Variants in GFI1B observed in about 807,000 individuals in gnomAD.
The protein encoded by GFI1B is zinc finger protein Gfi-1b.
A neutral mutation model predicts 35.3 loss-of-function variants in GFI1B; 20 were observed. The observed-to-expected ratio is 0.57, with a 90% CI of 0.40 to 0.82. The LOEUF (loss-of-function observed/expected upper bound fraction) is 0.82. Ranked by LOEUF, GFI1B falls within the 40% of genes least tolerant of loss-of-function variation. The pLI is 0.00. For synonymous variants in GFI1B, 178 were observed against 177.6 expected (o/e 1.00, Z -0.02); for missense variants, 430 against 446.3 (o/e 0.96, Z 0.33).
At chr9:132,979,800 T>A (rs1296849378) in intron 1 of GFI1B, among the ~76,000 whole-genome samples, 2 of 152,026 alleles carry the variant, frequency 1.3e-5, no homozygotes, top group Non-Finnish European at 2.9e-5. Context: ...GAAGAGGAGG[T>A]CTGCAGAATC....
intron 1 of GFI1B, among the ~76,000 whole-genome samples, chr9:132,985,981 G>A (rs1026674995): frequency 6.6e-6 from 1 of 152,206 alleles, no homozygotes; most frequent in Non-Finnish European, 1.5e-5. Flanking sequence ...TTGCAGCCCA[G>A]GTCATGCCAA....
chr9:132,949,517 T>C (rs1848170247), intron 1 of GFI1B, among the ~76,000 whole-genome samples: 1 of 151,974 alleles, frequency 6.6e-6, no homozygotes, highest in South Asian at 2.1e-4. Flanking sequence ...GGGGGACCAT[T>C]CAAACTGCTG....
At chr9:132,979,531 G>T (rs181142255) in intron 1 of GFI1B, among the ~76,000 whole-genome samples, 1 of 152,058 alleles carries the variant, frequency 6.6e-6, no homozygotes, top group East Asian at 1.9e-4. Flanking sequence ...TAGCCACTGC[G>T]CCCAGCCAAA....
Position 132,989,531 on chromosome 9 carries a change from G to C in GFI1B, c.649-211G>C. ...ACGAACATTTATTGAGGTTTATTTTGAGCGGGATACCGTGAAGATTACAAG... is the reference window on the plus strand; with the variant it reads ...ACGAACATTTATTGAGGTTTATTTTCAGCGGGATACCGTGAAGATTACAAG... On this transcript the variant is annotated intron_variant, in intron 5 of 6. Transcript: ENST00000372122. This position sits in a 1 kb window ranked among gnomAD's most constrained non-coding sequence, Gnocchi z 6.2. 1 of 603,044 alleles carries C rather than the reference G, an allele frequency of 1.7e-6. No individual in the cohort carries two copies. 37.4% of individuals were successfully genotyped at this position (603,044 alleles called of 1,614,324 possible). A position where few individuals can be genotyped will look rare whatever the true frequency, so the allele number is the denominator to read the frequency against.
At chr9:132,985,586 C>T (rs1588435866) in intron 1 of GFI1B, among the ~76,000 whole-genome samples, 1 of 152,298 alleles carries the variant, frequency 6.6e-6, no homozygotes, top group South Asian at 2.1e-4. Context: ...CAAGGCGCAG[C>T]CGTGCTCTGG....
At position 132,988,230 on chromosome 9, in the gene GFI1B, G is replaced by A. The variant is rs767778204; in HGVS notation, c.272G>A (p.Gly91Glu). The A allele has an allele frequency of 1.9e-6, 3 of 1,614,058 alleles. No individual in the cohort carries two copies. Among genetic ancestry groups the A allele is most frequent in the Non-Finnish European group, 2.5e-6 (3 of 1,179,926 alleles). ...ATTGTGCTGTCCCGACCCCAGGATG[G>A]GGACTCTCCACTGTCCGACTCACCC... is the stretch of plus-strand genomic sequence containing the variant. Reference protein sequence around the residue: ...GPIVLSRPQDGDSPLSDSPPF... With the variant: ...GPIVLSRPQDEDSPLSDSPPF... The change falls in exon 4 of 7, where the codon GGG becomes GAG. Residue 91 changes from glycine to glutamate, a missense_variant. By Grantham distance (98) the Gly-to-Glu change is moderately conservative. Transcript: ENST00000372122.
At chr9:132,974,257 A>G (rs561978468), upstream of GFI1B, among the ~76,000 whole-genome samples, 1 of 152,216 alleles carries the variant, frequency 6.6e-6, no homozygotes, top group South Asian at 2.1e-4. Context: ...CTCTTGTAGC[A>G]TGGACATTCC....
intron 1 of GFI1B, among the ~76,000 whole-genome samples, chr9:132,958,998 C>T (rs992171680): frequency 6.6e-6 from 1 of 152,156 alleles, no homozygotes; most frequent in Non-Finnish European, 1.5e-5. Flanking sequence ...CCTGGCTCTG[C>T]AAACAAGATG....
intron 1 of GFI1B, among the ~76,000 whole-genome samples, chr9:132,963,274 G>A (rs919608853): frequency 6.6e-6 from 1 of 151,904 alleles, no homozygotes; most frequent in Non-Finnish European, 1.5e-5. Flanking sequence ...GAGGTCAAGA[G>A]TTCAAGACCA....
intron 1 of GFI1B, among the ~76,000 whole-genome samples, chr9:132,961,076 A>T (rs945246009): frequency 6.6e-6 from 1 of 152,152 alleles, no homozygotes; most frequent in African/African-American, 2.4e-5. Context: ...ATCCCTCTCC[A>T]CACCCTACAC....
chr9:132,951,691 T>A (rs764614434), intron 1 of GFI1B: 3 of 152,228 alleles, frequency 2.0e-5, no homozygotes, highest in Non-Finnish European at 4.4e-5. Context: ...GAAGGCTCTC[T>A]CTGCTGTCCA....
intron 1 of GFI1B, among the ~76,000 whole-genome samples, chr9:132,986,419 G>A (rs1471439638): frequency 6.6e-6 from 1 of 152,068 alleles, no homozygotes; most frequent in African/African-American, 2.4e-5. Context: ...ATAAGGACAC[G>A]AGTCATCTTG....
intron 1 of GFI1B, among the ~76,000 whole-genome samples, chr9:132,965,620 G>A (rs1030077969): frequency 5.9e-5 from 9 of 152,232 alleles, no homozygotes; most frequent in East Asian, 1.9e-4. Flanking sequence ...ACATAGACAC[G>A]GAGTGGGAGG....
chr9:132,956,731 A>G (rs1457155145), intron 1 of GFI1B, among the ~76,000 whole-genome samples: 1 of 152,184 alleles, frequency 6.6e-6, no homozygotes, highest in African/African-American at 2.4e-5. Flanking sequence ...AGAAACATAG[A>G]ATTGGAACAA....
intron 1 of GFI1B, among the ~76,000 whole-genome samples, chr9:132,964,009 G>A (rs2132600011): frequency 6.6e-6 from 1 of 152,282 alleles, no homozygotes; most frequent in East Asian, 1.9e-4. Flanking sequence ...GGGAGGCCAA[G>A]GTGGGAAGAT....
At chr9:132,990,152 G>A (rs990151164) in intron 6 of GFI1B, among the ~76,000 whole-genome samples, 2 of 152,220 alleles carry the variant, frequency 1.3e-5, no homozygotes, top group Non-Finnish European at 2.9e-5. Flanking sequence ...ACTAGCAGGC[G>A]AACTGCTCAT....
Position 132,991,152 on chromosome 9 carries a change from G to A in GFI1B, c.*102G>A. 1 of 1,059,990 alleles carries A rather than the reference G, an allele frequency of 9.4e-7. No homozygotes were observed. Among genetic ancestry groups the A allele is most frequent in the Non-Finnish European group, 1.4e-6 (1 of 704,102 alleles). 65.7% of individuals were successfully genotyped at this position (1,059,990 alleles called of 1,614,324 possible). Reference sequence around the variant, plus strand: ...TCTCCAGTCTCCTGGAGGTGGGACTGGACAGGAGTCTACCAGCTTGTTTTG... The same window carrying A: ...TCTCCAGTCTCCTGGAGGTGGGACTAGACAGGAGTCTACCAGCTTGTTTTG... On this transcript the variant is annotated 3_prime_UTR_variant, in exon 7 of 7. Coordinates refer to ENST00000372122, the MANE Select transcript of GFI1B (RefSeq NM_001377304.1).
At chr9:132,964,067 C>A (rs937118926) in intron 1 of GFI1B, among the ~76,000 whole-genome samples, 1 of 151,990 alleles carries the variant, frequency 6.6e-6, no homozygotes, top group African/African-American at 2.4e-5. Flanking sequence ...ATGGTGAAAC[C>A]CCATCTCTAC....
chr9:132,991,988 A>C (rs917088581), downstream of GFI1B, among the ~76,000 whole-genome samples: 1 of 152,114 alleles, frequency 6.6e-6, no homozygotes, highest in Non-Finnish European at 1.5e-5. Flanking sequence ...TTAAAACAAC[A>C]CACATTTATT....
Sources: allele counts gnomAD v4.1 joint callset (sites outside exome capture counted in the v4.1 genomes callset), GRCh38; gene constraint gnomAD v4.1.1; non-coding constraint Gnocchi (gnomAD v3.1); transcripts MANE v1.5; gene names NCBI Gene and HGNC (gene_info 2026-07-23, HGNC 2026-07-21).